Variants in SARDH observed in about 807,000 individuals in gnomAD.
The protein encoded by SARDH is sarcosine dehydrogenase, mitochondrial.
SARDH carries 95 observed loss-of-function variants against 109.1 expected under a neutral mutation model. That is an observed-to-expected ratio of 0.87 (90% CI 0.74 to 1.03). The LOEUF is 1.03. Ranked by LOEUF, SARDH falls within the 50% of genes least tolerant of loss-of-function variation. SARDH has a pLI of 0.00. For missense variants in SARDH, 1,267 were observed against 1,287.8 expected, an observed-to-expected ratio of 0.98 and a Z score of 0.25; for synonymous variants, 572 against 534.8, an observed-to-expected ratio of 1.07 and a Z score of -0.96.
chr9:133,707,303 G>C (rs1025243108), intron 11 of SARDH, among the ~76,000 whole-genome samples: 3 of 152,190 alleles, frequency 2.0e-5, no homozygotes, highest in Non-Finnish European at 4.4e-5. Context: ...CACCCAGGGA[G>C]GCTTCTGAAC....
In SARDH at chr9:133,729,793, AC is replaced by A; in HGVS notation, c.886del (p.Val296SerfsTer98). 1 of 1,613,002 alleles carries A rather than the reference AC, an allele frequency of 6.2e-7. No individual in the cohort carries two copies. Among genetic ancestry groups the A allele is most frequent in the Non-Finnish European group, 8.5e-7 (1 of 1,179,990 alleles). On this transcript the variant is annotated frameshift_variant, in exon 6 of 21. Transcript: ENST00000439388. LOFTEE classifies it high-confidence loss of function. ...VPLVAMHHAY[V>X]VTERIEGIQN... ...AATCCCCTCGATGCGCTCGGTGACG[AC>A]ATAGGCATGGTGCATGGCCACCAGC...
At position 133,729,796 on chromosome 9, in the gene SARDH, T is replaced by C; in HGVS notation, c.884A>G (p.Tyr295Cys). The change falls in exon 6 of 21, where the codon TAT becomes TGT. Residue 295 changes from tyrosine to cysteine, a missense_variant. Physicochemically the swap from Tyr to Cys is radical, Grantham distance 194. Coordinates refer to ENST00000439388, the MANE Select transcript of SARDH (RefSeq NM_001134707.2). ...KVPLVAMHHA[Y>C]VVTERIEGIQ... ...CCCCTCGATGCGCTCGGTGACGACA[T>C]AGGCATGGTGCATGGCCACCAGCGG... 1.2e-6 allele frequency: 2 copies of C among 1,612,970 alleles called. No individual in the cohort carries two copies. Among genetic ancestry groups the C allele is most frequent in the Non-Finnish European group, 1.7e-6 (2 of 1,179,998 alleles).
At chr9:133,676,105 A>C (rs1475843110) in intron 17 of SARDH, among the ~76,000 whole-genome samples, 6 of 125,272 alleles carry the variant, frequency 4.8e-5, no homozygotes, top group Non-Finnish European at 9.3e-5. Context: ...TAAAAAAAAA[A>C]ACACACACCA....
upstream of SARDH, chr9:133,738,413 G>C (rs1285569576): frequency 6.6e-6 from 1 of 152,160 alleles, no homozygotes; most frequent in Non-Finnish European, 1.5e-5. Flanking sequence ...GATCTGGGCG[G>C]AGCGTACCGC....
chr9:133,690,526 C>T lies in SARDH; in HGVS notation c.1923G>A (p.Gly641=). The change falls in exon 16 of 21, where the codon GGG becomes GGA. Residue 641 remains glycine, a splice_region_variant and synonymous_variant. Transcript: ENST00000439388. The part of the protein sequence containing the change: ...QASPLAPAFE[G]DGYYLAMGGA... ...CGCCCATGGCCAGGTAGTAACCGTC[C>T]CCTGGAAGAGAGGCACCTGGACTTA... 1 of 1,596,128 alleles carries T rather than the reference C, an allele frequency of 6.3e-7. No individual in the cohort carries two copies. Among genetic ancestry groups the T allele is most frequent in the Non-Finnish European group, 8.5e-7 (1 of 1,173,218 alleles).
intron 3 of SARDH, 41 bp from the exon 4 acceptor site, chr9:133,731,525 C>A: frequency 6.3e-7 from 1 of 1,597,260 alleles, no homozygotes; most frequent in South Asian, 1.1e-5. Flanking sequence ...CCGTGGGGAG[C>A]AGACCCCTGG....
rs530554850 is a variant in SARDH at position 133,704,069 on chromosome 9, C to T, written c.1554+879G>A. 5.9e-5 allele frequency among the ~76,000 whole-genome samples: 9 copies of T among 152,080 alleles called. No individual in the cohort carries two copies. The highest frequency in any genetic ancestry group is 1.2e-4 in the Non-Finnish European group (8 of 67,998). On this transcript the variant is annotated intron_variant, in intron 12 of 20. Coordinates refer to ENST00000439388, the MANE Select transcript of SARDH (RefSeq NM_001134707.2). The surrounding 1 kb of genome is among the most constrained non-coding windows in gnomAD (Gnocchi z 4.5). ...ACTTCAAGACAGGGTCTGCCCAGAC[C>T]CCTCCTCCCCGCAGGGTTCATGAGG...
At chr9:133,687,316 G>T (rs1588403094) in intron 16 of SARDH, among the ~76,000 whole-genome samples, 1 of 152,178 alleles carries the variant, frequency 6.6e-6, no homozygotes, top group African/African-American at 2.4e-5. Flanking sequence ...TGTCTCCCAG[G>T]GCGGCTTGCA....
chr9:133,680,031 C>A (rs1403846786), intron 17 of SARDH, among the ~76,000 whole-genome samples: 2 of 152,254 alleles, frequency 1.3e-5, no homozygotes, highest in East Asian at 3.9e-4. Flanking sequence ...ACGCTCCAGC[C>A]CAGCGTTTCT....
At chr9:133,734,368 T>TTCATTCATTCAC (rs1270500117) in intron 1 of SARDH, among the ~76,000 whole-genome samples, 165 bp from the exon 2 acceptor site, 1 of 147,870 alleles carries the variant, frequency 6.8e-6, no homozygotes, top group South Asian at 2.1e-4. Flanking sequence ...CATTCACTCA[T>TTCATTCATTCAC]TCATTCATTC....
In SARDH at chr9:133,666,673, G is replaced by T; in HGVS notation, c.2631+62C>A. On this transcript the variant is annotated intron_variant, in intron 20 of 20. Coordinates refer to ENST00000439388, the MANE Select transcript of SARDH (RefSeq NM_001134707.2). The surrounding 1 kb of genome is among the most constrained non-coding windows in gnomAD (Gnocchi z 5.2). ...GCACACTCAGGGTGCAGTGCAGGGAGCTGGTTTGGAGCTGGTGAGGGATCG... is the reference window on the plus strand; with the variant it reads ...GCACACTCAGGGTGCAGTGCAGGGATCTGGTTTGGAGCTGGTGAGGGATCG... 1 of 1,550,678 alleles carries T rather than the reference G, an allele frequency of 6.4e-7. No homozygotes were observed. Among genetic ancestry groups the T allele is most frequent in the Non-Finnish European group, 8.7e-7 (1 of 1,146,232 alleles).
chr9:133,683,769 T>G (rs1023156362), intron 17 of SARDH, among the ~76,000 whole-genome samples: 3 of 152,194 alleles, frequency 2.0e-5, no homozygotes, highest in Non-Finnish European at 4.4e-5. Context: ...CCCCAGGACC[T>G]CCAGTCCCTC....
chr9:133,667,880 C>T lies in SARDH; in HGVS notation c.2496-1010G>A, dbSNP rs559774701. Among the ~76,000 whole-genome samples the T allele has an allele frequency of 3.9e-5, 6 of 152,264 alleles. No homozygotes were observed. In the East Asian group the frequency reaches 7.7e-4, roughly 20 times the overall value. On this transcript the variant is annotated intron_variant, in intron 19 of 20. Coordinates refer to ENST00000439388, the MANE Select transcript of SARDH (RefSeq NM_001134707.2). ...TGAGGACGCTGAGGCCCCAACTGCC[C>T]GGAGTCCCAGAGCAGTGTGGCAGGG...
chr9:133,717,232 G>A (rs944858184), intron 8 of SARDH, 94 bp downstream of exon 8: 27 of 1,508,624 alleles, frequency 1.8e-5, no homozygotes, highest in African/African-American at 2.7e-5. Flanking sequence ...GGTCCCCTGT[G>A]TGACACAGGC....
intron 5 of SARDH, 55 bp downstream of exon 5, chr9:133,730,009 G>A: frequency 6.2e-7 from 1 of 1,609,676 alleles, no homozygotes. Flanking sequence ...GTGGGAGCAG[G>A]TTTAGGGAGC....
chr9:133,662,746 G>A (rs574540409), downstream of SARDH, among the ~76,000 whole-genome samples: 6 of 152,288 alleles, frequency 3.9e-5, no homozygotes, highest in Non-Finnish European at 5.9e-5. This position sits in a 1 kb window ranked among gnomAD's most constrained non-coding sequence, Gnocchi z 5.1. Flanking sequence ...GTGGGGCCCC[G>A]GCTCCACGAT....
Position 133,671,673 on chromosome 9 carries a change from CA to C in SARDH, c.2187del (p.Phe729LeufsTer23). On this transcript the variant is annotated frameshift_variant, in exon 18 of 21. Coordinates refer to ENST00000439388, the MANE Select transcript of SARDH (RefSeq NM_001134707.2). LOFTEE classifies it high-confidence loss of function. ...TGCAGCTCCCAGCCCAGCTCCCCCA[CA>C]AAGGACAGCCGCATGGCTCGGACCT... is the stretch of plus-strand genomic sequence containing the variant. ...GHLVRAMRLS[F>X]VGELGWELHI... is the part of the protein sequence containing the mutation. 1 of 1,583,138 alleles carries C rather than the reference CA, an allele frequency of 6.3e-7. No individual in the cohort carries two copies. Among genetic ancestry groups the C allele is most frequent in the East Asian group, 2.3e-5 (1 of 43,224 alleles).
Position 133,729,755 on chromosome 9 carries a change from G to T in SARDH, c.915+10C>A. 6.2e-7 allele frequency: 1 copy of T among 1,609,778 alleles called. No individual in the cohort carries two copies. Among genetic ancestry groups the T allele is most frequent in the Non-Finnish European group, 8.5e-7 (1 of 1,178,046 alleles). On this transcript the variant is annotated intron_variant, in intron 6 of 20. Coordinates refer to ENST00000439388, the MANE Select transcript of SARDH (RefSeq NM_001134707.2). ...ACAGACTGACACAGAACCCGGGGCT[G>T]TCCACCTACCTGAATCCCCTCGATG...
At position 133,712,768 on chromosome 9, in the gene SARDH, C is replaced by A. The variant is rs2131448594; in HGVS notation, c.1238-59G>T. 6.7e-7 allele frequency: 1 copy of A among 1,493,044 alleles called. No individual in the cohort carries two copies. The highest frequency in any genetic ancestry group is 1.1e-5 in the South Asian group (1 of 88,130). 92.5% of individuals were successfully genotyped at this position (1,493,044 alleles called of 1,614,324 possible). A position where few individuals can be genotyped will look rare whatever the true frequency, so the allele number is the denominator to read the frequency against. ...CCCCCCAGGGTCCCCCACCCATGTC[C>A]AAACATGTGCCCCCATCTCCACGGA... is the stretch of plus-strand genomic sequence containing the variant. On this transcript the variant is annotated intron_variant, in intron 9 of 20. Coordinates refer to ENST00000439388, the MANE Select transcript of SARDH (RefSeq NM_001134707.2). This position sits in a 1 kb window ranked among gnomAD's most constrained non-coding sequence, Gnocchi z 4.1.
Sources: allele counts gnomAD v4.1 joint callset (sites outside exome capture counted in the v4.1 genomes callset), GRCh38; gene constraint gnomAD v4.1.1; non-coding constraint Gnocchi (gnomAD v3.1); transcripts MANE v1.5; gene names NCBI Gene and HGNC (gene_info 2026-07-23, HGNC 2026-07-21).